Variants in SYNE2 observed in about 807,000 individuals in gnomAD.
SYNE2 encodes the protein nesprin-2.
Under a neutral mutation model 856.3 loss-of-function variants are expected in SYNE2, and 431 were observed. That is an observed-to-expected ratio of 0.50 (90% CI 0.47 to 0.55). The LOEUF (loss-of-function observed/expected upper bound fraction) is 0.55, where lower values mean the gene tolerates loss of function less well. Ranked by LOEUF, SYNE2 falls within the 20% of genes least tolerant of loss-of-function variation. SYNE2 has a pLI of 0.00. For missense variants in SYNE2, 8,129 were observed against 8,023.2 expected (o/e 1.01, Z -0.50); for synonymous variants, 2,923 against 2,872.3 (o/e 1.02, Z -0.56).
At chr14:64,101,265 C>G (rs1425847173) in intron 63 of SYNE2, among the ~76,000 whole-genome samples, 1 of 152,058 alleles carries the variant, frequency 6.6e-6, no homozygotes, top group East Asian at 1.9e-4. Context: ...GTTCTGTTGT[C>G]TCCACATCCT....
chr14:63,853,771 A>G (rs1891036606), intron 1 of SYNE2, among the ~76,000 whole-genome samples: 1 of 150,198 alleles, frequency 6.7e-6, no homozygotes, highest in South Asian at 2.1e-4. Flanking sequence ...GCGGCAGCCT[A>G]GCGCCTCCGC....
In SYNE2 at chr14:64,060,102, C is replaced by G. The variant is rs11622936; in HGVS notation, c.10068-2649C>G. Reference sequence around the variant, plus strand: ...TGGGTCCAGAGATACTGTACAAGAGCTAATACCTAGACGCCAAGAGCTCAC... The same window carrying G: ...TGGGTCCAGAGATACTGTACAAGAGGTAATACCTAGACGCCAAGAGCTCAC... On this transcript the variant is annotated intron_variant, in intron 49 of 115. Coordinates refer to ENST00000555002, the MANE Select transcript of SYNE2 (RefSeq NM_182914.3). Among the ~76,000 whole-genome samples the G allele has an allele frequency of 1.6e-4, 25 of 152,138 alleles. No homozygotes were observed. In the East Asian group the frequency reaches 4.8e-3, roughly 29 times the overall value.
intron 115 of SYNE2, 75 bp downstream of exon 115, chr14:64,225,120 C>CG: frequency 6.3e-7 from 1 of 1,578,546 alleles, no homozygotes; most frequent in Non-Finnish European, 8.7e-7. Context: ...GCCAATGCCA[C>CG]TATCAAGGTC....
chr14:63,794,386 C>T (rs1887845843), intron 1 of SYNE2, among the ~76,000 whole-genome samples: 3 of 152,072 alleles, frequency 2.0e-5, no homozygotes, highest in Non-Finnish European at 4.4e-5. Context: ...GACAGGGTTT[C>T]ACCATGTTGG....
chr14:64,128,531 A>C lies in SYNE2; in HGVS notation c.13997A>C (p.Gln4666Pro). The change falls in exon 74 of 116, where the codon CAG (glutamine) becomes CCG (proline). Residue 4666 changes from glutamine (Q) to proline (P), a missense_variant. Gln to Pro is a moderately conservative substitution (Grantham distance 76). This residue lies in a region of SYNE2 where 5,410 missense variants were observed against 5,284.8 expected (regional missense o/e 1.02). Coordinates refer to ENST00000555002, the MANE Select transcript of SYNE2 (RefSeq NM_182914.3). ...CAGTCTTTGAATGAAATCAGTGGGC[A>C]GAGTGTTGCTGAACAGCTTCAGGTA... ...LQQSLNEISG[Q>P]SVAEQLQKAD... The C allele has an allele frequency of 6.2e-7, 1 of 1,608,844 alleles. No individual in the cohort carries two copies. The highest frequency in any genetic ancestry group is 8.5e-7 in the Non-Finnish European group (1 of 1,175,132).
intron 1 of SYNE2, among the ~76,000 whole-genome samples, chr14:63,895,050 A>G (rs959850174): frequency 1.3e-5 from 2 of 152,080 alleles, no homozygotes; most frequent in Non-Finnish European, 2.9e-5. Flanking sequence ...GTGATATGGC[A>G]TTGAGAAATA....
At chr14:63,792,754 C>T (rs1887780707) in intron 1 of SYNE2, among the ~76,000 whole-genome samples, 1 of 152,042 alleles carries the variant, frequency 6.6e-6, no homozygotes. Flanking sequence ...CAGCCTCAAC[C>T]TCCCAGGCTC....
At chr14:64,213,741 T>C (rs1223902042) in intron 105 of SYNE2, among the ~76,000 whole-genome samples, 2 of 152,108 alleles carry the variant, frequency 1.3e-5, no homozygotes, top group African/African-American at 4.8e-5. Flanking sequence ...ACAAGCAGAA[T>C]ACAGACACTG....
Position 64,126,385 on chromosome 14 carries a change from T to A in SYNE2, c.13613T>A (p.Leu4538Gln), listed in dbSNP as rs370464923. The change falls in exon 72 of 116, where the codon CTG becomes CAG. Residue 4538 changes from leucine to glutamine, a missense_variant. Coordinates refer to ENST00000555002, the MANE Select transcript of SYNE2 (RefSeq NM_182914.3). Reference protein sequence around the residue: ...NLDKKLFELFLTLSQCLSSVE... With the variant: ...NLDKKLFELFQTLSQCLSSVE... ...GATAAAAAATTGTTTGAACTATTCC[T>A]GACCCTCAGTCAGTGCCTCAGCAGT... The A allele has an allele frequency of 1.9e-6, 3 of 1,614,082 alleles. No individual in the cohort carries two copies. Among genetic ancestry groups the A allele is most frequent in the Non-Finnish European group, 2.5e-6 (3 of 1,180,008 alleles).
intron 2 of SYNE2, among the ~76,000 whole-genome samples, chr14:63,915,888 C>T (rs1431929460): frequency 6.6e-6 from 1 of 152,028 alleles, no homozygotes; most frequent in Non-Finnish European, 1.5e-5. Context: ...TTTTTAGAAG[C>T]ATTAAAAATT....
chr14:63,849,127 G>C (rs141754060), upstream of SYNE2, among the ~76,000 whole-genome samples: 1 of 152,190 alleles, frequency 6.6e-6, no homozygotes, highest in Admixed American at 6.6e-5. Flanking sequence ...GAAAAACAGA[G>C]CTGTTTTCTT....
At chr14:64,119,395 A>G (rs918666102) in intron 66 of SYNE2, 32 bp from the exon 67 acceptor site, 4 of 1,613,284 alleles carry the variant, frequency 2.5e-6, no homozygotes, top group Admixed American at 3.3e-5. Context: ...CAAGAACAAC[A>G]TTATGAATAA....
chr14:64,015,748 C>T (rs1403654761), intron 32 of SYNE2, among the ~76,000 whole-genome samples: 2 of 150,886 alleles, frequency 1.3e-5, no homozygotes, highest in African/African-American at 2.4e-5. Context: ...TTATTTTGTT[C>T]TTTTCTTAGA....
intron 94 of SYNE2, 27 bp downstream of exon 94, chr14:64,170,489 G>A (rs747577134): frequency 1.3e-6 from 2 of 1,577,190 alleles, no homozygotes; most frequent in Admixed American, 1.8e-5. Context: ...AGCAGTGTGA[G>A]AACCACAGGG....
At chr14:64,122,195 G>A in intron 69 of SYNE2, 62 bp downstream of exon 69, 17 of 1,613,942 alleles carry the variant, frequency 1.1e-5, no homozygotes, top group Non-Finnish European at 1.4e-5. Context: ...AATTAAGAGT[G>A]TTTCTTTTAA....
chr14:64,204,214 T>G (rs1010141261), intron 100 of SYNE2: 4 of 152,226 alleles, frequency 2.6e-5, no homozygotes, highest in Non-Finnish European at 5.9e-5. Flanking sequence ...GAAAAGAATA[T>G]TGATATAAGT....
chr14:64,051,819 C>T lies in SYNE2; in HGVS notation c.7906C>T (p.Gln2636Ter), dbSNP rs755956781. The change falls in exon 48 of 116, where the codon CAG (glutamine) becomes TAG (stop). Residue 2636 changes from glutamine to a stop codon, truncating the protein, a stop_gained. Transcript: ENST00000555002. LOFTEE classifies it high-confidence loss of function. ...ATTTACAACCCTCATGAATAAGGTA[C>T]AGGACACTGAGATTTCTCTGCAACA... ...DEFTTLMNKV[Q>*]DTEISLQQQQ... 1 of 1,614,060 alleles carries T rather than the reference C, an allele frequency of 6.2e-7. No individual in the cohort carries two copies. Among genetic ancestry groups the T allele is most frequent in the Non-Finnish European group, 8.5e-7 (1 of 1,180,018 alleles).
intron 105 of SYNE2, 148 bp from the exon 106 acceptor site, chr14:64,214,046 A>G (rs1222421208): frequency 8.4e-7 from 1 of 1,184,384 alleles, no homozygotes; most frequent in African/African-American, 1.5e-5. Flanking sequence ...CAGAAACAGG[A>G]CCTGGGAACC....
At chr14:64,040,537 T>C (rs1002413815) in intron 45 of SYNE2, among the ~76,000 whole-genome samples, 3 of 149,580 alleles carry the variant, frequency 2.0e-5, no homozygotes, top group African/African-American at 7.4e-5. Flanking sequence ...ACTGAGAAAA[T>C]TATCACAAAA....
Sources: gnomAD v4.1 joint callset for allele counts (sites outside exome capture counted in the v4.1 genomes callset) on GRCh38, gnomAD v4.1.1 for gene constraint, gnomAD v4.1.1 regional missense constraint, MANE v1.5 for transcripts, NCBI Gene and HGNC (gene_info 2026-07-23, HGNC 2026-07-21) for gene names.